EPHA6: variants seen among roughly 807,000 people sequenced by gnomAD.
EPHA6 encodes the protein ephrin type-A receptor 6.
A neutral mutation model predicts 112.0 loss-of-function variants in EPHA6; 50 were observed. That is an observed-to-expected ratio of 0.45 (90% CI 0.36 to 0.56). The LOEUF is 0.56. Ranked by LOEUF, EPHA6 falls within the 20% of genes least tolerant of loss-of-function variation. The probability of loss-of-function intolerance (pLI) is 0.00; values close to 1 mark genes in which losing one functional copy is unlikely to be tolerated. For missense variants in EPHA6, 1,280 were observed against 1,417.4 expected (o/e 0.90, Z 1.56); for synonymous variants, 529 against 490.7 (o/e 1.08, Z -1.03).
At chr3:97,354,566 G>A (rs1208836580) in intron 5 of EPHA6, among the ~76,000 whole-genome samples, 1 of 151,876 alleles carries the variant, frequency 6.6e-6, no homozygotes, top group African/African-American at 2.4e-5. Flanking sequence ...ACAGTCAGAG[G>A]ATAAAAAAGG....
intron 7 of EPHA6, among the ~76,000 whole-genome samples, chr3:97,473,825 G>A: frequency 6.6e-6 from 1 of 151,718 alleles, no homozygotes; most frequent in East Asian, 1.9e-4. Context: ...ATTATTTATT[G>A]GATAAGATGC....
At chr3:97,647,870 G>A (rs1179689810) in intron 14 of EPHA6, among the ~76,000 whole-genome samples, 2 of 151,894 alleles carry the variant, frequency 1.3e-5, no homozygotes, top group Non-Finnish European at 2.9e-5. Flanking sequence ...TAAGCCTCTT[G>A]GCTCTCAATT....
intron 1 of EPHA6, among the ~76,000 whole-genome samples, chr3:96,833,158 A>G (rs948312951): frequency 1.1e-4 from 17 of 149,794 alleles, no homozygotes; most frequent in African/African-American, 4.2e-4. Flanking sequence ...CATGGTTAAG[A>G]TGAGGTCTTA....
At chr3:96,963,484 T>G (rs2042017371) in intron 2 of EPHA6, among the ~76,000 whole-genome samples, 1 of 152,198 alleles carries the variant, frequency 6.6e-6, no homozygotes, top group African/African-American at 2.4e-5. Flanking sequence ...GTCAATAGCC[T>G]TTCTTTTTTA....
chr3:96,823,296 CTA>C (rs2033411071), intron 1 of EPHA6, among the ~76,000 whole-genome samples: 1 of 151,526 alleles, frequency 6.6e-6, no homozygotes, highest in Non-Finnish European at 1.5e-5. Context: ...AGCTAAGTAG[CTA>C]TAAACATACC....
chr3:97,381,303 C>T (rs1385721064), intron 5 of EPHA6, among the ~76,000 whole-genome samples: 1 of 151,798 alleles, frequency 6.6e-6, no homozygotes, highest in African/African-American at 2.4e-5. Context: ...TTATTGATAC[C>T]TATTATATTC....
At chr3:97,504,535 G>A (rs1474763443) in intron 10 of EPHA6, among the ~76,000 whole-genome samples, 2 of 152,064 alleles carry the variant, frequency 1.3e-5, no homozygotes, top group African/African-American at 4.8e-5. Flanking sequence ...ATGTGTCAGG[G>A]GACAGAGTTT....
At chr3:97,274,826 G>A (rs2080013884) in intron 5 of EPHA6, among the ~76,000 whole-genome samples, 1 of 152,172 alleles carries the variant, frequency 6.6e-6, no homozygotes, top group Non-Finnish European at 1.5e-5. Flanking sequence ...ATGAGGGTCA[G>A]GTGTGGTATC....
At chr3:97,688,723 T>TAA (rs200236239) in intron 14 of EPHA6, among the ~76,000 whole-genome samples, 11 of 141,524 alleles carry the variant, frequency 7.8e-5, no homozygotes, top group African/African-American at 2.3e-4. Flanking sequence ...TAAAGTATAA[T>TAA]AAAAAAAAAA....
At chr3:96,981,890 C>T (rs181207217) in intron 2 of EPHA6, among the ~76,000 whole-genome samples, 51 of 152,246 alleles carry the variant, frequency 3.3e-4, no homozygotes, top group African/African-American at 1.2e-3. Flanking sequence ...TCTGTGGGAT[C>T]AGTGGTGATA....
chr3:97,346,857 G>A (rs59789108), intron 5 of EPHA6, among the ~76,000 whole-genome samples: 5,183 of 152,012 alleles, frequency 0.034, 309 homozygotes, highest in African/African-American at 0.12. Flanking sequence ...CACATATGAG[G>A]TATTTTTCTG....
intron 3 of EPHA6, among the ~76,000 whole-genome samples, chr3:97,004,346 T>C (rs183774966): frequency 6.6e-6 from 1 of 152,350 alleles, no homozygotes; most frequent in Admixed American, 6.5e-5. Context: ...CTGACTGGCA[T>C]GATAAGGTGT....
chr3:97,525,357 T>C (rs951169208), intron 10 of EPHA6, among the ~76,000 whole-genome samples: 21 of 152,158 alleles, frequency 1.4e-4, no homozygotes, highest in African/African-American at 5.1e-4. Context: ...ACGGTTTCTA[T>C]ATTTTATCAA....
intron 6 of EPHA6, among the ~76,000 whole-genome samples, chr3:97,410,705 G>GT (rs2107116494): frequency 6.6e-6 from 1 of 152,188 alleles, no homozygotes; most frequent in South Asian, 2.1e-4. Flanking sequence ...AATGAGTAGT[G>GT]TTAGTGGTGG....
chr3:97,093,846 C>T (rs1043572971), intron 3 of EPHA6, among the ~76,000 whole-genome samples: 5 of 152,190 alleles, frequency 3.3e-5, no homozygotes, highest in Admixed American at 1.3e-4. Context: ...TTTAAATGAA[C>T]ATTCTTTCCC....
intron 10 of EPHA6, among the ~76,000 whole-genome samples, chr3:97,517,207 A>C (rs1385288110): frequency 6.6e-6 from 1 of 152,194 alleles, no homozygotes; most frequent in Non-Finnish European, 1.5e-5. Context: ...CTCTCAAGCC[A>C]GAGTCCACTA....
At position 97,756,254 on chromosome 3, in the gene EPHA6, T is replaced by C. The variant is rs1230083346; in HGVS notation, c.*7553T>C. Among the ~76,000 whole-genome samples the C allele has an allele frequency of 6.6e-6, 1 of 152,010 alleles. No homozygotes were observed. The highest frequency in any genetic ancestry group is 1.9e-4 in the East Asian group (1 of 5,196). On this transcript the variant is annotated 3_prime_UTR_variant, in exon 18 of 18. Coordinates refer to ENST00000389672, the MANE Select transcript of EPHA6 (RefSeq NM_001080448.3). ...AATAAGTCTGCTCAAAATTGTAGCC[T>C]TTAGAAGCTCTATAACAAAAATCAA...
At chr3:97,109,601 A>C (rs1018868551) in intron 3 of EPHA6, among the ~76,000 whole-genome samples, 3 of 152,208 alleles carry the variant, frequency 2.0e-5, no homozygotes, top group African/African-American at 7.2e-5. Context: ...TATAAAGTAC[A>C]GAGTTGTTTT....
intron 5 of EPHA6, among the ~76,000 whole-genome samples, chr3:97,360,415 T>C (rs1444152255): frequency 6.6e-6 from 1 of 152,218 alleles, no homozygotes; most frequent in Admixed American, 6.5e-5. Flanking sequence ...TATAATGATA[T>C]TTGGTATTTT....
Sources: allele counts gnomAD v4.1 joint callset (sites outside exome capture counted in the v4.1 genomes callset), GRCh38; gene constraint gnomAD v4.1.1; transcripts MANE v1.5; gene names NCBI Gene and HGNC (gene_info 2026-07-23, HGNC 2026-07-21).